Variants in ROS1 observed in about 807,000 individuals in gnomAD.
The protein encoded by ROS1 is proto-oncogene tyrosine-protein kinase ROS.
ROS1 carries 263 observed loss-of-function variants against 273.5 expected under a neutral mutation model. The ratio of observed to expected loss-of-function variants is 0.96; its 90% CI spans 0.87 to 1.06. The LOEUF is 1.06. Ranked by LOEUF, ROS1 falls within the 50% of genes least tolerant of loss-of-function variation. The pLI is 0.00. For synonymous variants in ROS1, 1,008 were observed against 954.1 expected, an observed-to-expected ratio of 1.06 and a Z score of -1.04; for missense variants, 2,833 against 2,751.1, an observed-to-expected ratio of 1.03 and a Z score of -0.67.
At chr6:117,339,502 G>C (rs1165332257) in intron 31 of ROS1, among the ~76,000 whole-genome samples, 3 of 152,062 alleles carry the variant, frequency 2.0e-5, no homozygotes, top group Admixed American at 2.0e-4. Context: ...TGCAGTTACG[G>C]TATTATTTCC....
intron 43 of ROS1, among the ~76,000 whole-genome samples, chr6:117,292,233 G>A (rs888305507): frequency 3.3e-5 from 5 of 152,134 alleles, no homozygotes; most frequent in Admixed American, 2.0e-4. Flanking sequence ...GCCTCCCAAA[G>A]TGCTGGGATT....
At chr6:117,416,887 C>A (rs1775377004) in intron 2 of ROS1, among the ~76,000 whole-genome samples, 1 of 152,068 alleles carries the variant, frequency 6.6e-6, no homozygotes, top group African/African-American at 2.4e-5. Flanking sequence ...TTCATCTGTA[C>A]CTGTCTTGAC....
intron 13 of ROS1, 146 bp from the exon 14 acceptor site, chr6:117,388,138 A>G: frequency 4.7e-6 from 6 of 1,274,940 alleles, no homozygotes; most frequent in Non-Finnish European, 5.5e-6. Flanking sequence ...ATCACCAGGG[A>G]TCATTTGTTG....
chr6:117,356,832 A>G lies in ROS1; in HGVS notation c.3923T>C (p.Leu1308Pro). ...SIISHTLHRILQPTATNQQNK... is the reference protein window; with the variant it reads ...SIISHTLHRIPQPTATNQQNK... The stretch of plus-strand genomic sequence containing the variant: ...TTGTTGGTTTGTAGCTGTGGGTTGC[A>G]GAATTCGGTGCAAGGTGTGACTGAT... The change falls in exon 26 of 44, where the codon CTG (leucine) becomes CCG (proline). Residue 1308 changes from leucine (L) to proline (P), a missense_variant. By Grantham distance (98) the Leu-to-Pro change is moderately conservative (BLOSUM62 -3). Coordinates refer to ENST00000368507, the MANE Select transcript of ROS1 (RefSeq NM_001378902.1). 10 of 1,614,176 alleles carry G rather than the reference A, an allele frequency of 6.2e-6. No homozygotes were observed. Among genetic ancestry groups the G allele is most frequent in the Non-Finnish European group, 8.5e-6 (10 of 1,180,024 alleles).
intron 18 of ROS1, among the ~76,000 whole-genome samples, chr6:117,373,412 G>C (rs1027999486): frequency 9.2e-5 from 14 of 152,378 alleles, no homozygotes; most frequent in Non-Finnish European, 2.9e-5. Flanking sequence ...GCAGGATGCA[G>C]GTCCCGAGCC....
intron 1 of ROS1, among the ~76,000 whole-genome samples, chr6:117,423,477 A>G (rs75685003): frequency 1.3e-3 from 192 of 152,334 alleles, no homozygotes; most frequent in African/African-American, 4.4e-3. Context: ...ATCTCACAAT[A>G]CTAGAGTTCT....
In ROS1 at chr6:117,366,082, G is replaced by T; in HGVS notation, c.2791C>A (p.Leu931Met). Residue 931 changes from leucine to methionine, a missense_variant, in exon 19 of 44, where the codon CTG becomes ATG. Physicochemically the swap from Leu to Met is conservative, Grantham distance 15. Coordinates refer to ENST00000368507, the MANE Select transcript of ROS1 (RefSeq NM_001378902.1). ...CAGGAATGAAATACTGTACCTGGCAGGGGCTTAAGGGATGTCTGAATAATT... is the reference window on the plus strand; with the variant it reads ...CAGGAATGAAATACTGTACCTGGCATGGGCTTAAGGGATGTCTGAATAATT... ...FTIIQTSLKP[L>M]PGNFSFTPKV... is the part of the protein sequence containing the mutation. 1 of 1,612,444 alleles carries T rather than the reference G, an allele frequency of 6.2e-7. No individual in the cohort carries two copies.
chr6:117,372,318 C>T (rs1268268726), intron 18 of ROS1, among the ~76,000 whole-genome samples: 2 of 152,208 alleles, frequency 1.3e-5, no homozygotes, highest in Non-Finnish European at 2.9e-5. Context: ...TCACTGTTTG[C>T]TGATAACATG....
intron 7 of ROS1, among the ~76,000 whole-genome samples, chr6:117,398,680 A>AG (rs1773695293): frequency 7.1e-6 from 1 of 141,832 alleles, no homozygotes; most frequent in East Asian, 2.0e-4. Flanking sequence ...CCTTGTCTCA[A>AG]AAAAAAAAAA....
chr6:117,356,500 C>T (rs975261265), intron 26 of ROS1, 129 bp downstream of exon 26: 6 of 771,548 alleles, frequency 7.8e-6, no homozygotes, highest in African/African-American at 7.0e-5. Flanking sequence ...TCTGCAAGAA[C>T]ACTTGGCATG....
intron 22 of ROS1, among the ~76,000 whole-genome samples, chr6:117,360,848 CATTTAACAGAA>C (rs2128651345): frequency 6.6e-6 from 1 of 152,080 alleles, no homozygotes; most frequent in South Asian, 2.1e-4. Context: ...TTACATAGAA[CATTTAACAGAA>C]ATAAAACTGT....
At chr6:117,350,815 G>A (rs1355288345) in intron 27 of ROS1, among the ~76,000 whole-genome samples, 2 of 150,808 alleles carry the variant, frequency 1.3e-5, no homozygotes, top group African/African-American at 4.9e-5. Flanking sequence ...ACATGTTACA[G>A]TGTTTTTATC....
intron 18 of ROS1, among the ~76,000 whole-genome samples, chr6:117,372,389 T>C (rs150480868): frequency 2.4e-4 from 37 of 152,336 alleles, no homozygotes; most frequent in African/African-American, 8.4e-4. Context: ...GACAAATTAA[T>C]TCAGTAAACT....
chr6:117,337,369 T>G, intron 31 of ROS1, 29 bp from the exon 32 acceptor site: 1 of 1,558,808 alleles, frequency 6.4e-7, no homozygotes, highest in South Asian at 1.2e-5. Flanking sequence ...ATTAATATTT[T>G]TGTTTCTCTA....
At chr6:117,420,133 G>A (rs923074207) in intron 1 of ROS1, among the ~76,000 whole-genome samples, 44 of 151,986 alleles carry the variant, frequency 2.9e-4, no homozygotes, top group African/African-American at 1.0e-3. Flanking sequence ...GGGAAGTTTA[G>A]TAAATTACCT....
rs751449155 is a variant in ROS1, at chr6:117,342,381, C to A, written c.4651+19G>T. The A allele has an allele frequency of 2.3e-5, 37 of 1,608,488 alleles. No homozygotes were observed. Among genetic ancestry groups the A allele is most frequent in the Non-Finnish European group, 3.0e-5 (35 of 1,176,992 alleles). On this transcript the variant is annotated intron_variant, in intron 29 of 43. Transcript: ENST00000368507. ...CACAATATTCTGCTTGAGAAACCCACAACAAGCCCATAACTTACCTCCATT... is the reference window on the plus strand; with the variant it reads ...CACAATATTCTGCTTGAGAAACCCAAAACAAGCCCATAACTTACCTCCATT...
At chr6:117,421,346 T>A (rs1023478364) in intron 1 of ROS1, among the ~76,000 whole-genome samples, 1 of 151,692 alleles carries the variant, frequency 6.6e-6, no homozygotes, top group Non-Finnish European at 1.5e-5. Context: ...GAGATCTTAG[T>A]GCACCTTTCA....
At chr6:117,355,860 C>T (rs1562307763) in intron 26 of ROS1, among the ~76,000 whole-genome samples, 1 of 152,120 alleles carries the variant, frequency 6.6e-6, no homozygotes, top group Non-Finnish European at 1.5e-5. Flanking sequence ...ATCTACCCAC[C>T]TCGGCCTTCC....
Position 117,393,293 on chromosome 6 carries a change from G to T in ROS1, c.1220C>A (p.Ser407Ter), listed in dbSNP as rs2128710983. The T allele has an allele frequency of 1.9e-6, 3 of 1,612,020 alleles. No homozygotes were observed. The highest frequency in any genetic ancestry group is 2.5e-6 in the Non-Finnish European group (3 of 1,178,590). The change falls in exon 12 of 44, where the codon TCA becomes TAA. Residue 407 changes from serine to a stop codon, truncating the protein, a stop_gained. Transcript: ENST00000368507. LOFTEE classifies it high-confidence loss of function. ...LVCVCDLENCSNIEEITPPSI... is the reference protein window; with the variant it reads ...LVCVCDLENC ...GGGTGGAGTAATTTCCTCGATGTTTGAGCAGTTCTCTAAATCACAGACACA... is the reference window on the plus strand; with the variant it reads ...GGGTGGAGTAATTTCCTCGATGTTTTAGCAGTTCTCTAAATCACAGACACA...
Sources: gnomAD v4.1 joint callset for allele counts (sites outside exome capture counted in the v4.1 genomes callset) on GRCh38, gnomAD v4.1.1 for gene constraint, MANE v1.5 for transcripts, NCBI Gene and HGNC (gene_info 2026-07-23, HGNC 2026-07-21) for gene names.